The following CSMD1 variants were observed in gnomAD, a reference collection of about 807,000 sequenced individuals.
The protein encoded by CSMD1 is CUB and Sushi multiple domains 1.
In CSMD1, 213 loss-of-function variants were observed where a neutral mutation model predicts 417.5. The ratio of observed to expected loss-of-function variants is 0.51; its 90% CI spans 0.46 to 0.57. The LOEUF is 0.57. CSMD1 is among the 20% of genes least tolerant of loss of function. The pLI is 0.00. For synonymous variants in CSMD1, 2,862 were observed against 1,736.8 expected (o/e 1.65, Z -16.11); for missense variants, 6,923 against 4,529.7 (o/e 1.53, Z -15.17).
At chr8:2,997,827 G>T (rs1252653907) in intron 54 of CSMD1, among the ~76,000 whole-genome samples, 184 bp downstream of exon 54, 1 of 152,172 alleles carries the variant, frequency 6.6e-6, no homozygotes, top group Non-Finnish European at 1.5e-5. Flanking sequence ...CTGGCCACGA[G>T]ACAGGAAAAA....
At chr8:4,555,676 G>C (rs1230119599) in intron 2 of CSMD1, among the ~76,000 whole-genome samples, 1 of 152,168 alleles carries the variant, frequency 6.6e-6, no homozygotes, top group African/African-American at 2.4e-5. Flanking sequence ...CAGCAATGGA[G>C]AGGAATAAGT....
At chr8:4,662,874 G>A (rs1269441140) in intron 1 of CSMD1, among the ~76,000 whole-genome samples, 2 of 152,162 alleles carry the variant, frequency 1.3e-5, no homozygotes, top group South Asian at 2.1e-4. Context: ...GCGGGTGACA[G>A]TGTTTATTCC....
At chr8:4,035,220 C>G (rs1389153045) in intron 3 of CSMD1, among the ~76,000 whole-genome samples, 2 of 152,106 alleles carry the variant, frequency 1.3e-5, no homozygotes, top group Non-Finnish European at 1.5e-5. Context: ...ATGCACGTGT[C>G]TGTGGTGACG....
At chr8:4,244,806 T>C (rs1351749043) in intron 3 of CSMD1, among the ~76,000 whole-genome samples, 1 of 152,214 alleles carries the variant, frequency 6.6e-6, no homozygotes, top group Non-Finnish European at 1.5e-5. Context: ...GTATAAAATA[T>C]GTGTATATAT....
intron 25 of CSMD1, among the ~76,000 whole-genome samples, chr8:3,293,655 C>T (rs142367014): frequency 9.2e-4 from 140 of 152,230 alleles, no homozygotes; most frequent in African/African-American, 3.1e-3. Context: ...ACGTAGTCCT[C>T]GTGCCTTGGT....
chr8:3,603,643 T>C (rs907016891), intron 8 of CSMD1, among the ~76,000 whole-genome samples: 3 of 152,176 alleles, frequency 2.0e-5, no homozygotes, highest in Non-Finnish European at 4.4e-5. Flanking sequence ...ACAAAGGGGA[T>C]TTTTTTCCAA....
At chr8:3,696,264 G>C (rs1281807894) in intron 7 of CSMD1, among the ~76,000 whole-genome samples, 1 of 152,182 alleles carries the variant, frequency 6.6e-6, no homozygotes, top group African/African-American at 2.4e-5. Flanking sequence ...CTTCCTGCAA[G>C]TATTCTAATA....
rs190862196 is a variant in CSMD1 at position 4,520,288 on chromosome 8, C to T, written c.303-100223G>A. On this transcript the variant is annotated intron_variant, in intron 2 of 69. Coordinates refer to ENST00000635120, the MANE Select transcript of CSMD1 (RefSeq NM_033225.6). The stretch of plus-strand genomic sequence containing the variant: ...TAGTTGCAAAATAATACTCCCCAAA[C>T]TTCAGTTTCACATGACTAATGTAGA... Among the ~76,000 whole-genome samples, 382 of 152,306 alleles carry T rather than the reference C, an allele frequency of 2.5e-3. 3 individuals carry two copies. The highest frequency in any genetic ancestry group is 8.7e-3 in the African/African-American group (362 of 41,578).
At chr8:4,298,629 G>C (rs993069752) in intron 3 of CSMD1, among the ~76,000 whole-genome samples, 2 of 152,022 alleles carry the variant, frequency 1.3e-5, no homozygotes, top group Admixed American at 6.6e-5. Context: ...AAACGTTATA[G>C]AACATCACAA....
chr8:4,289,617 T>C (rs1022420300), intron 3 of CSMD1, among the ~76,000 whole-genome samples: 1 of 152,134 alleles, frequency 6.6e-6, no homozygotes, highest in Non-Finnish European at 1.5e-5. Context: ...TGGATGATGG[T>C]GGGGATCTGC....
At chr8:3,815,552 CT>C (rs1166412786) in intron 5 of CSMD1, among the ~76,000 whole-genome samples, 1 of 151,160 alleles carries the variant, frequency 6.6e-6, no homozygotes, top group African/African-American at 2.4e-5. Context: ...AAAAACTGTG[CT>C]TTTGAAAAAA....
intron 1 of CSMD1, among the ~76,000 whole-genome samples, chr8:4,754,712 G>A (rs1320348171): frequency 1.3e-5 from 2 of 152,064 alleles, no homozygotes. Flanking sequence ...AGCCAAGCAT[G>A]GTGGTGGGCG....
chr8:3,515,797 G>T (rs1287539096), intron 10 of CSMD1, among the ~76,000 whole-genome samples: 2 of 152,212 alleles, frequency 1.3e-5, no homozygotes, highest in Non-Finnish European at 2.9e-5. Context: ...GGAAGTGTCA[G>T]TCATGACACT....
rs531625843 is a variant in CSMD1 at position 4,144,259 on chromosome 8, G to C, written c.416-112160C>G. Among the ~76,000 whole-genome samples, 25 of 150,902 alleles carry C rather than the reference G, an allele frequency of 1.7e-4. 2 individuals are homozygous for C. The highest frequency in any genetic ancestry group is 4.2e-4 in the African/African-American group (17 of 40,278). On this transcript the variant is annotated intron_variant, in intron 3 of 69. Transcript: ENST00000635120. ...ACTGGCCGTAAGTTCCCTGCCTCAA[G>C]ACCTTATTCTGCCTCACACTCACCC... is the stretch of plus-strand genomic sequence containing the variant.
intron 7 of CSMD1, among the ~76,000 whole-genome samples, chr8:3,642,857 A>G (rs188541296): frequency 6.6e-6 from 1 of 151,968 alleles, no homozygotes; most frequent in Non-Finnish European, 1.5e-5. Context: ...GTATATCTAT[A>G]TATAGATTAT....
At chr8:3,883,609 A>C (rs1295433417) in intron 5 of CSMD1, among the ~76,000 whole-genome samples, 1 of 152,152 alleles carries the variant, frequency 6.6e-6, no homozygotes, top group African/African-American at 2.4e-5. Context: ...TATTTATTTG[A>C]TATCAATTAA....
At chr8:4,256,359 A>G (rs1045278462) in intron 3 of CSMD1, among the ~76,000 whole-genome samples, 5 of 152,186 alleles carry the variant, frequency 3.3e-5, no homozygotes, top group Admixed American at 1.3e-4. Flanking sequence ...TTTGGCCTCA[A>G]ATGAATACAT....
At chr8:3,407,761 T>C in intron 14 of CSMD1, 138 bp downstream of exon 14, 1 of 777,368 alleles carries the variant, frequency 1.3e-6, no homozygotes, top group Non-Finnish European at 2.0e-6. Context: ...ACTATAATTT[T>C]ACTACTGTCA....
chr8:3,969,466 C>T (rs1304768326), intron 5 of CSMD1, among the ~76,000 whole-genome samples: 1 of 152,106 alleles, frequency 6.6e-6, no homozygotes, highest in African/African-American at 2.4e-5. Context: ...GTTTAAGATC[C>T]TGGTCTATAA....
Sources: allele counts gnomAD v4.1 joint callset (sites outside exome capture counted in the v4.1 genomes callset), GRCh38; gene constraint gnomAD v4.1.1; transcripts MANE v1.5; gene names NCBI Gene and HGNC (gene_info 2026-07-23, HGNC 2026-07-21).